The following CSMD1 variants were observed in gnomAD, a reference collection of about 807,000 sequenced individuals.
CSMD1 encodes the protein CUB and Sushi multiple domains 1.
In CSMD1, 213 loss-of-function variants were observed where a neutral mutation model predicts 417.5. The ratio of observed to expected loss-of-function variants is 0.51; its 90% confidence interval spans 0.46 to 0.57. The LOEUF (loss-of-function observed/expected upper bound fraction) is 0.57, where lower values mean the gene tolerates loss of function less well. CSMD1 is among the 20% of genes least tolerant of loss of function. CSMD1 has a pLI of 0.00. For missense variants in CSMD1, 6,923 were observed against 4,529.7 expected, an observed-to-expected ratio of 1.53 and a Z score of -15.17; for synonymous variants, 2,862 against 1,736.8, an observed-to-expected ratio of 1.65 and a Z score of -16.11.
chr8:3,321,281 C>T (rs1806137198), intron 23 of CSMD1, among the ~76,000 whole-genome samples: 1 of 152,120 alleles, frequency 6.6e-6, no homozygotes, highest in African/African-American at 2.4e-5. Flanking sequence ...TGGTCCCAGT[C>T]TTCTAAGGAT....
chr8:3,276,400 A>T (rs147694468), intron 26 of CSMD1, among the ~76,000 whole-genome samples: 1 of 152,172 alleles, frequency 6.6e-6, no homozygotes, highest in African/African-American at 2.4e-5. Context: ...AGCTGTTCCT[A>T]TTCGTTCATC....
At chr8:4,135,424 G>C (rs1352688451) in intron 3 of CSMD1, among the ~76,000 whole-genome samples, 1 of 148,470 alleles carries the variant, frequency 6.7e-6, no homozygotes, top group Non-Finnish European at 1.5e-5. Context: ...GGGAAGGAAG[G>C]GGAAGGAGGG....
chr8:3,740,687 G>C (rs922707048), intron 6 of CSMD1, among the ~76,000 whole-genome samples: 8 of 152,166 alleles, frequency 5.3e-5, no homozygotes, highest in African/African-American at 1.9e-4. Context: ...GGGAAGAGGA[G>C]TCGAAGCAAA....
intron 3 of CSMD1, among the ~76,000 whole-genome samples, chr8:4,129,381 C>T (rs1331746684): frequency 6.6e-6 from 1 of 152,090 alleles, no homozygotes; most frequent in African/African-American, 2.4e-5. Context: ...TGACCACCTC[C>T]ACCCCCAACA....
chr8:4,406,006 C>A (rs1004503752), intron 3 of CSMD1, among the ~76,000 whole-genome samples: 1 of 152,150 alleles, frequency 6.6e-6, no homozygotes, highest in Non-Finnish European at 1.5e-5. Context: ...AGTGAGAGGG[C>A]AATTCATTCA....
chr8:4,176,379 G>C (rs1320741120), intron 3 of CSMD1, among the ~76,000 whole-genome samples: 1 of 151,952 alleles, frequency 6.6e-6, no homozygotes, highest in Non-Finnish European at 1.5e-5. Flanking sequence ...ACACTCTTAA[G>C]CCTCTTATTC....
chr8:4,058,059 A>C (rs1367490444), intron 3 of CSMD1, among the ~76,000 whole-genome samples: 6 of 152,010 alleles, frequency 3.9e-5, no homozygotes, highest in African/African-American at 1.2e-4. Flanking sequence ...AGTTTTTTCC[A>C]ATTCTGTGAA....
At chr8:3,695,722 C>A (rs940344899) in intron 7 of CSMD1, among the ~76,000 whole-genome samples, 2 of 152,124 alleles carry the variant, frequency 1.3e-5, no homozygotes, top group Non-Finnish European at 2.9e-5. Flanking sequence ...AGCAGTTTGG[C>A]TGGAAGGAAG....
At chr8:3,179,269 C>G (rs1028993616) in intron 37 of CSMD1, among the ~76,000 whole-genome samples, 1 of 152,192 alleles carries the variant, frequency 6.6e-6, no homozygotes, top group East Asian at 1.9e-4. Flanking sequence ...CAAATTCTGG[C>G]ATGAAGAATA....
chr8:4,955,492 G>A (rs1809037988), intron 1 of CSMD1, among the ~76,000 whole-genome samples: 1 of 151,036 alleles, frequency 6.6e-6, no homozygotes, highest in Non-Finnish European at 1.5e-5. Flanking sequence ...GTCTCACTCT[G>A]TCACCCAGGC....
At chr8:3,578,782 CT>C (rs1368066592) in intron 9 of CSMD1, among the ~76,000 whole-genome samples, 3 of 152,202 alleles carry the variant, frequency 2.0e-5, no homozygotes, top group Admixed American at 6.5e-5. Context: ...AGGGAAACTT[CT>C]TTCCTTCCCT....
At chr8:4,717,275 G>A (rs1198591470) in intron 1 of CSMD1, among the ~76,000 whole-genome samples, 2 of 145,850 alleles carry the variant, frequency 1.4e-5, no homozygotes, top group African/African-American at 5.3e-5. Flanking sequence ...CCTCAAAGAA[G>A]CATCTCTGAC....
At chr8:3,658,805 G>A (rs188277128) in intron 7 of CSMD1, among the ~76,000 whole-genome samples, 1 of 151,936 alleles carries the variant, frequency 6.6e-6, no homozygotes, top group Non-Finnish European at 1.5e-5. Flanking sequence ...TAAAAATAAA[G>A]TCTTCCAACA....
chr8:3,735,233 A>G (rs975393839), intron 6 of CSMD1, among the ~76,000 whole-genome samples: 1 of 152,180 alleles, frequency 6.6e-6, no homozygotes, highest in Non-Finnish European at 1.5e-5. Context: ...TTTCTGTCTG[A>G]TTTGGATATT....
At chr8:3,816,678 A>G (rs1046071169) in intron 5 of CSMD1, among the ~76,000 whole-genome samples, 2 of 152,220 alleles carry the variant, frequency 1.3e-5, no homozygotes, top group Non-Finnish European at 2.9e-5. Context: ...TAAGATGGAT[A>G]TCTCAATTAC....
intron 4 of CSMD1, among the ~76,000 whole-genome samples, chr8:4,002,924 C>T (rs560656557): frequency 1.3e-5 from 2 of 152,196 alleles, no homozygotes; most frequent in African/African-American, 4.8e-5. Context: ...AGCATTATCT[C>T]AACTAAACAG....
chr8:4,400,760 A>ATT (rs1378692783), intron 3 of CSMD1, among the ~76,000 whole-genome samples: 4 of 110,956 alleles, frequency 3.6e-5, no homozygotes, highest in African/African-American at 1.5e-4. Flanking sequence ...CATACAGATC[A>ATT]GTTTTTTTTT....
chr8:3,448,560 G>C (rs917569029), intron 12 of CSMD1, among the ~76,000 whole-genome samples: 2 of 152,032 alleles, frequency 1.3e-5, no homozygotes, highest in African/African-American at 4.8e-5. Context: ...GAAAAGTGAA[G>C]GTTTGTAGGA....
chr8:3,060,828 G>C (rs1812545625), intron 49 of CSMD1, among the ~76,000 whole-genome samples: 1 of 152,104 alleles, frequency 6.6e-6, no homozygotes, highest in African/African-American at 2.4e-5. Context: ...CTATAAAAGG[G>C]CTTTATGGAG....
Sources: allele counts gnomAD v4.1 joint callset (sites outside exome capture counted in the v4.1 genomes callset), GRCh38; gene constraint gnomAD v4.1.1; transcripts MANE v1.5; gene names NCBI Gene and HGNC (gene_info 2026-07-23, HGNC 2026-07-21).